SEMA3A: variants seen among roughly 807,000 people sequenced by gnomAD.
The protein encoded by SEMA3A is semaphorin 3A.
A neutral mutation model predicts 97.9 loss-of-function variants in SEMA3A; 29 were observed. The observed-to-expected ratio is 0.30, with a 90% CI of 0.22 to 0.40. SEMA3A has a LOEUF of 0.40. Ranked by LOEUF, SEMA3A falls within the 10% of genes least tolerant of loss-of-function variation. The pLI is 1.00. For synonymous variants in SEMA3A, 321 were observed against 323.7 expected (o/e 0.99, Z 0.09); for missense variants, 763 against 951.3 (o/e 0.80, Z 2.60).
At chr7:84,049,417 GT>G (rs1366558957) in intron 5 of SEMA3A, among the ~76,000 whole-genome samples, 1 of 151,992 alleles carries the variant, frequency 6.6e-6, no homozygotes, top group African/African-American at 2.4e-5. Flanking sequence ...TGACATCTTT[GT>G]TGTTTTGCCC....
At chr7:83,962,365 C>T (rs1031096217) in intron 16 of SEMA3A, among the ~76,000 whole-genome samples, 1 of 151,968 alleles carries the variant, frequency 6.6e-6, no homozygotes, top group African/African-American at 2.4e-5. Flanking sequence ...ATATTTGTAA[C>T]CTCACTTTTA....
At chr7:84,410,239 T>C (rs929773652) in intron 1 of SEMA3A, among the ~76,000 whole-genome samples, 9 of 152,152 alleles carry the variant, frequency 5.9e-5, no homozygotes, top group African/African-American at 2.2e-4. Context: ...AATTTACATG[T>C]ATTTTATATA....
intron 1 of SEMA3A, among the ~76,000 whole-genome samples, chr7:84,168,685 T>C (rs886342725): frequency 6.6e-6 from 1 of 151,894 alleles, no homozygotes; most frequent in African/African-American, 2.4e-5. Context: ...TTTTAATCAA[T>C]TTATGCCATT....
At chr7:84,090,529 C>T (rs1195594010) in intron 4 of SEMA3A, among the ~76,000 whole-genome samples, 1 of 152,042 alleles carries the variant, frequency 6.6e-6, no homozygotes, top group Non-Finnish European at 1.5e-5. Context: ...ACACAAGACC[C>T]ACGTTGAACA....
intron 1 of SEMA3A, among the ~76,000 whole-genome samples, chr7:84,147,395 A>T (rs1168008424): frequency 6.6e-6 from 1 of 152,216 alleles, no homozygotes; most frequent in Non-Finnish European, 1.5e-5. Context: ...AGTCTTCCTT[A>T]TTCATTGACA....
At chr7:84,420,895 T>C (rs1027002478) in intron 1 of SEMA3A, among the ~76,000 whole-genome samples, 3 of 152,044 alleles carry the variant, frequency 2.0e-5, no homozygotes, top group African/African-American at 7.2e-5. Flanking sequence ...TCTTTATTGG[T>C]CTGGCTATCC....
At chr7:84,203,620 C>G (rs2116303148) in intron 3 of SEMA3A, among the ~76,000 whole-genome samples, 1 of 145,806 alleles carries the variant, frequency 6.9e-6, no homozygotes, top group African/African-American at 2.6e-5. Flanking sequence ...CAACCTCTGT[C>G]TCCCAGGTTT....
chr7:84,029,747 C>T (rs954266447), intron 6 of SEMA3A, among the ~76,000 whole-genome samples: 2 of 151,726 alleles, frequency 1.3e-5, no homozygotes, highest in African/African-American at 4.8e-5. Context: ...AGAAAATAAT[C>T]TCTAGGAACA....
intron 4 of SEMA3A, among the ~76,000 whole-genome samples, chr7:84,066,371 TGC>T (rs1793496805): frequency 6.6e-6 from 1 of 150,938 alleles, no homozygotes; most frequent in African/African-American, 2.5e-5. Context: ...AATACAGGGA[TGC>T]CCTCTCTCAC....
intron 12 of SEMA3A, among the ~76,000 whole-genome samples, chr7:84,001,753 T>C (rs1260286170): frequency 1.3e-5 from 2 of 152,096 alleles, no homozygotes; most frequent in Admixed American, 6.6e-5. Context: ...GAGCCAAAAA[T>C]ACATTTCTTT....
intron 3 of SEMA3A, among the ~76,000 whole-genome samples, chr7:84,127,683 C>A (rs1431372843): frequency 6.6e-6 from 1 of 152,174 alleles, no homozygotes; most frequent in East Asian, 1.9e-4. Flanking sequence ...CACCTATAGG[C>A]AACATTGCTG....
rs1201789703 is a variant in SEMA3A, at chr7:84,121,843, T to G, written c.333+7280A>C. ...TTTAGTAGAGACGGGGTTTCACCGT[T>G]TTAGCCGGGATGGTCTCGATCTCTT... On this transcript the variant is annotated intron_variant, in intron 3 of 16. Coordinates refer to ENST00000265362, the MANE Select transcript of SEMA3A (RefSeq NM_006080.3). Among the ~76,000 whole-genome samples the G allele has an allele frequency of 8.6e-5, 4 of 46,328 alleles. 1 individual carries two copies. The highest frequency in any genetic ancestry group is 3.3e-4 in the African/African-American group (4 of 12,148). The allele number at this position is 46,328 out of a possible 152,430, so 30.4% of individuals were successfully genotyped here.
intron 3 of SEMA3A, among the ~76,000 whole-genome samples, chr7:84,245,229 T>C (rs946793960): frequency 1.3e-5 from 2 of 152,194 alleles, no homozygotes; most frequent in African/African-American, 4.8e-5. Context: ...GGTACACCAA[T>C]CAAATACAGC....
chr7:84,422,179 C>T (rs900720450), intron 1 of SEMA3A, among the ~76,000 whole-genome samples: 1 of 151,992 alleles, frequency 6.6e-6, no homozygotes, highest in African/African-American at 2.4e-5. Flanking sequence ...CTATTAATTA[C>T]TGCCTCAATT....
At chr7:84,451,349 A>ATT (rs1805547969) in intron 1 of SEMA3A, among the ~76,000 whole-genome samples, 1 of 152,198 alleles carries the variant, frequency 6.6e-6, no homozygotes. Flanking sequence ...TTCCACCAGT[A>ATT]TTCAAGGTCA....
chr7:84,096,942 A>C (rs956036718), intron 4 of SEMA3A, among the ~76,000 whole-genome samples: 4 of 152,166 alleles, frequency 2.6e-5, no homozygotes, highest in Non-Finnish European at 4.4e-5. Flanking sequence ...GAATTTTAAA[A>C]TGTTTCCATA....
intron 6 of SEMA3A, among the ~76,000 whole-genome samples, chr7:84,035,642 T>C (rs1284371492): frequency 6.6e-6 from 1 of 152,008 alleles, no homozygotes; most frequent in Non-Finnish European, 1.5e-5. Flanking sequence ...TATTATCATT[T>C]TTCGTGTGGC....
chr7:84,423,971 A>G (rs912654497), intron 1 of SEMA3A, among the ~76,000 whole-genome samples: 1 of 152,002 alleles, frequency 6.6e-6, no homozygotes, highest in African/African-American at 2.4e-5. Context: ...AAGAATGGCC[A>G]TTATTAAAAA....
chr7:84,145,624 T>C (rs894217306), intron 1 of SEMA3A, among the ~76,000 whole-genome samples: 5 of 152,192 alleles, frequency 3.3e-5, no homozygotes, highest in African/African-American at 1.2e-4. Context: ...CTAATATTTT[T>C]TCATTCTATG....
Sources: gnomAD v4.1 joint callset for allele counts (sites outside exome capture counted in the v4.1 genomes callset) on GRCh38, gnomAD v4.1.1 for gene constraint, MANE v1.5 for transcripts, NCBI Gene and HGNC (gene_info 2026-07-23, HGNC 2026-07-21) for gene names.